The following TSPAN33 variants were observed in gnomAD, a reference collection of about 807,000 sequenced individuals.
TSPAN33 encodes the protein tetraspanin 33, also known as tetraspanin-33.
A neutral mutation model predicts 34.8 loss-of-function variants in TSPAN33; 27 were observed. The ratio of observed to expected loss-of-function variants is 0.78; its 90% CI spans 0.57 to 1.07. The LOEUF (loss-of-function observed/expected upper bound fraction) is 1.07. TSPAN33 is among the 50% of genes least tolerant of loss of function. The pLI is 0.00. For missense variants in TSPAN33, 272 were observed against 324.9 expected, an observed-to-expected ratio of 0.84 and a Z score of 1.25; for synonymous variants, 119 against 124.2, an observed-to-expected ratio of 0.96 and a Z score of 0.28.
chr7:129,160,460 AG>A (rs986973689), intron 1 of TSPAN33, among the ~76,000 whole-genome samples: 7 of 152,216 alleles, frequency 4.6e-5, no homozygotes, highest in Admixed American at 4.6e-4. Context: ...AGGGTGGCCA[AG>A]GGAAGTAGGC....
intron 4 of TSPAN33, 42 bp from the exon 5 acceptor site, chr7:129,164,432 G>T (rs1236191170): frequency 6.4e-7 from 1 of 1,559,542 alleles, no homozygotes; most frequent in Non-Finnish European, 8.8e-7. Context: ...GCAAGTTAGG[G>T]ATTAGTCCTG....
rs775965429 is a variant in TSPAN33, at chr7:129,166,834, C to T, written c.516C>T (p.Asn172=). The T allele has an allele frequency of 6.2e-7, 1 of 1,614,206 alleles. No individual in the cohort carries two copies. Among genetic ancestry groups the T allele is most frequent in the African/African-American group, 1.3e-5 (1 of 75,058 alleles). The change falls in exon 6 of 8, where the codon AAC becomes AAT. Residue 172 remains asparagine, a synonymous_variant. Transcript: ENST00000486685. The part of the protein sequence containing the change: ...YKDWSQNMYF[N]CSEDNPSRER... ...ACTGGTCTCAGAACATGTATTTCAA[C>T]TGCTCAGAAGACAACCCCAGTCGAG... is the stretch of plus-strand genomic sequence containing the variant.
chr7:129,167,399 G>A lies in TSPAN33; in HGVS notation c.589G>A (p.Ala197Thr). 6.2e-7 allele frequency: 1 copy of A among 1,607,600 alleles called. No individual in the cohort carries two copies. Among genetic ancestry groups the A allele is most frequent in the Non-Finnish European group, 8.5e-7 (1 of 1,175,102 alleles). ...ATTGGCTTTTCAACTCTTTCCCCAG[G>A]CAGTGATCAACACTATGTGTGGCCA... Reference protein sequence around the residue: ...YSCCLPTPDQAVINTMCGQGM... With the variant: ...YSCCLPTPDQTVINTMCGQGM... The change falls in exon 7 of 8, where the codon GCA (alanine) becomes ACA (threonine). Residue 197 changes from alanine (A) to threonine (T), a missense_variant and splice_region_variant. Coordinates refer to ENST00000486685, the MANE Select transcript of TSPAN33 (RefSeq NM_178562.5). The surrounding 1 kb of genome is among the most constrained non-coding windows in gnomAD (Gnocchi z 4.6).
In TSPAN33 at chr7:129,169,144, G is replaced by A. The variant is rs1793189625; in HGVS notation, c.*1270G>A. Among the ~76,000 whole-genome samples the A allele has an allele frequency of 6.6e-6, 1 of 152,218 alleles. No individual in the cohort carries two copies. The highest frequency in any genetic ancestry group is 2.4e-5 in the African/African-American group (1 of 41,456). On this transcript the variant is annotated 3_prime_UTR_variant, in exon 8 of 8. Coordinates refer to ENST00000486685, the MANE Select transcript of TSPAN33 (RefSeq NM_178562.5). The stretch of plus-strand genomic sequence containing the variant: ...AGGGGGATGGGGAGGAGGGACATGA[G>A]CACTCCGCTGGGGCCGGGACGGGGA...
At chr7:129,145,559 C>T (rs865904071) in intron 1 of TSPAN33, among the ~76,000 whole-genome samples, 1 of 151,526 alleles carries the variant, frequency 6.6e-6, no homozygotes, top group South Asian at 2.1e-4. Context: ...TCTACCCCCA[C>T]CTCCACCCCC....
At chr7:129,147,343 T>G (rs2150619615) in intron 1 of TSPAN33, among the ~76,000 whole-genome samples, 1 of 152,350 alleles carries the variant, frequency 6.6e-6, no homozygotes, top group South Asian at 2.1e-4. Flanking sequence ...TTTTGGGGAC[T>G]GTTTTCTTTC....
At chr7:129,150,792 G>A (rs945043585) in intron 1 of TSPAN33, among the ~76,000 whole-genome samples, 1 of 152,120 alleles carries the variant, frequency 6.6e-6, no homozygotes, top group African/African-American at 2.4e-5. Context: ...CGTGGAGAGT[G>A]AGGCTGAGCG....
chr7:129,167,690 C>T lies in TSPAN33; in HGVS notation c.751-83C>T. ...CTGAGGGGTAGGGAAAGGGATAGTG[C>T]TGGCCGCACTGGGAAGATCGAGCCA... On this transcript the variant is annotated intron_variant, in intron 7 of 7. Transcript: ENST00000486685. This position sits in a 1 kb window ranked among gnomAD's most constrained non-coding sequence, Gnocchi z 4.6. 1 of 1,568,038 alleles carries T rather than the reference C, an allele frequency of 6.4e-7. No individual in the cohort carries two copies. The highest frequency in any genetic ancestry group is 1.1e-5 in the South Asian group (1 of 88,600).
chr7:129,147,781 T>C (rs754107028), intron 1 of TSPAN33, among the ~76,000 whole-genome samples: 15 of 152,132 alleles, frequency 9.9e-5, no homozygotes, highest in Non-Finnish European at 2.1e-4. Context: ...CTCTGAATAG[T>C]GGTGCTGGTG....
Position 129,168,140 on chromosome 7 carries a change from G to A in TSPAN33, c.*266G>A. 1.8e-6 allele frequency: 1 copy of A among 546,436 alleles called. No individual in the cohort carries two copies. The highest frequency in any genetic ancestry group is 1.9e-5 in the African/African-American group (1 of 52,258). The allele number at this position is 546,436 out of a possible 1,614,324, so 33.8% of individuals were successfully genotyped here. ...TGTTTGGGTTTATGTTTTCAGTTTT[G>A]TTTGGGAAACAGCAGTTGCACAGAG... On this transcript the variant is annotated 3_prime_UTR_variant, in exon 8 of 8. Transcript: ENST00000486685.
chr7:129,161,459 G>A (rs548698387), intron 1 of TSPAN33, among the ~76,000 whole-genome samples: 46 of 152,138 alleles, frequency 3.0e-4, no homozygotes, highest in Non-Finnish European at 5.1e-4. Context: ...ATTGTGTTAC[G>A]AGCACTGAAT....
chr7:129,164,354 G>A, intron 4 of TSPAN33, 120 bp from the exon 5 acceptor site: 1 of 893,962 alleles, frequency 1.1e-6, no homozygotes, highest in Non-Finnish European at 1.8e-6. Flanking sequence ...TTAGGACTCG[G>A]TTCTGATTTC....
chr7:129,157,988 C>A (rs1792982507), intron 1 of TSPAN33, among the ~76,000 whole-genome samples: 1 of 152,218 alleles, frequency 6.6e-6, no homozygotes, highest in Admixed American at 6.5e-5. Context: ...TCTCGCTGGG[C>A]TAAAATACAG....
intron 1 of TSPAN33, among the ~76,000 whole-genome samples, chr7:129,157,776 A>G (rs1381743343): frequency 6.6e-6 from 1 of 152,202 alleles, no homozygotes; most frequent in Non-Finnish European, 1.5e-5. Flanking sequence ...TCCCTCCACC[A>G]TATCCACGCA....
intron 1 of TSPAN33, among the ~76,000 whole-genome samples, chr7:129,156,261 A>G (rs2150623941): frequency 6.6e-6 from 1 of 152,256 alleles, no homozygotes; most frequent in Non-Finnish European, 1.5e-5. Flanking sequence ...ATCACATCAC[A>G]TCATATCATA....
At chr7:129,166,155 G>C (rs1242206781) in intron 5 of TSPAN33, among the ~76,000 whole-genome samples, 1 of 152,044 alleles carries the variant, frequency 6.6e-6, no homozygotes, top group Non-Finnish European at 1.5e-5. Context: ...GGCCAGGCTG[G>C]TCTTGAACTC....
intron 1 of TSPAN33, among the ~76,000 whole-genome samples, chr7:129,151,513 A>G (rs780588287): frequency 1.3e-5 from 2 of 152,080 alleles, no homozygotes; most frequent in Non-Finnish European, 2.9e-5. Context: ...CCAGGAGAAC[A>G]ACCTTTGTTT....
Position 129,168,285 on chromosome 7 carries a change from G to A in TSPAN33, c.*411G>A. On this transcript the variant is annotated 3_prime_UTR_variant, in exon 8 of 8. Transcript: ENST00000486685. ...AACGTGCCAGTGAGACCTGGCTGTGGAGAGTAGCACTGGCAGCCCTGCCTG... is the reference window on the plus strand; with the variant it reads ...AACGTGCCAGTGAGACCTGGCTGTGAAGAGTAGCACTGGCAGCCCTGCCTG... 1 of 188,544 alleles carries A rather than the reference G, an allele frequency of 5.3e-6. No homozygotes were observed. Among genetic ancestry groups the A allele is most frequent in the Non-Finnish European group, 1.1e-5 (1 of 89,646 alleles). The allele number at this position is 188,544 out of a possible 1,614,324, so 11.7% of individuals were successfully genotyped here. A position where few individuals can be genotyped will look rare whatever the true frequency, so the allele number is the denominator to read the frequency against.
At chr7:129,152,832 G>T (rs1810614726) in intron 1 of TSPAN33, among the ~76,000 whole-genome samples, 1 of 152,070 alleles carries the variant, frequency 6.6e-6, no homozygotes, top group South Asian at 2.1e-4. Flanking sequence ...GCCAAGGCAG[G>T]AGGATCACCT....
Sources: allele counts gnomAD v4.1 joint callset (sites outside exome capture counted in the v4.1 genomes callset), GRCh38; gene constraint gnomAD v4.1.1; non-coding constraint Gnocchi (gnomAD v3.1); transcripts MANE v1.5; gene names NCBI Gene and HGNC (gene_info 2026-07-23, HGNC 2026-07-21).